Variants in DAAM2 observed in about 807,000 individuals in gnomAD.
DAAM2 encodes disheveled-associated activator of morphogenesis 2.
DAAM2 carries 39 observed loss-of-function variants against 120.7 expected under a neutral mutation model. The observed-to-expected ratio is 0.32, with a 90% confidence interval of 0.25 to 0.42. The LOEUF (loss-of-function observed/expected upper bound fraction) is 0.42. Ranked by LOEUF, DAAM2 falls within the 10% of genes least tolerant of loss-of-function variation. The pLI is 1.00. For synonymous variants in DAAM2, 488 were observed against 524.9 expected, an observed-to-expected ratio of 0.93 and a Z score of 0.96; for missense variants, 1,283 against 1,401.7, an observed-to-expected ratio of 0.92 and a Z score of 1.35.
Position 39,879,426 on chromosome 6 carries a change from C to A in DAAM2, c.1794C>A (p.Val598=). The change falls in exon 14 of 25, where the codon GTC becomes GTA. Residue 598 remains valine, a synonymous_variant. Coordinates refer to ENST00000274867, the MANE Select transcript of DAAM2 (RefSeq NM_001201427.2). ...SSDVPLRKKR[V]PQPSHPLKSF... ...ACGTCCCACTCAGGAAAAAGCGTGT[C>A]CCCCAGCCTTCTCACCCACTGAAGT... is the stretch of plus-strand genomic sequence containing the variant. The A allele has an allele frequency of 1.2e-6, 2 of 1,613,922 alleles. No homozygotes were observed. The highest frequency in any genetic ancestry group is 1.7e-6 in the Non-Finnish European group (2 of 1,179,862).
At chr6:39,845,013 C>T (rs559907634) in intron 1 of DAAM2, among the ~76,000 whole-genome samples, 1 of 146,868 alleles carries the variant, frequency 6.8e-6, no homozygotes, top group East Asian at 2.1e-4. Flanking sequence ...CACATACACA[C>T]CCCCCCACAC....
At chr6:39,897,029 C>A in intron 20 of DAAM2, 49 bp downstream of exon 20, 11 of 1,572,186 alleles carry the variant, frequency 7.0e-6, no homozygotes, top group Non-Finnish European at 9.5e-6. Context: ...TCTCACCCTA[C>A]CCTGGCCTCT....
chr6:39,885,602 TAAGACTGA>T (rs1765341246), intron 15 of DAAM2: 1 of 152,328 alleles, frequency 6.6e-6, no homozygotes. Context: ...TGAGAAGAGT[TAAGACTGA>T]AAGACCCCCT....
intron 9 of DAAM2, 109 bp downstream of exon 9, chr6:39,871,681 TC>T: frequency 1.0e-6 from 1 of 979,384 alleles, no homozygotes; most frequent in Non-Finnish European, 1.5e-6. Context: ...GTGGGCTGGT[TC>T]CCTGGTGGGC....
intron 11 of DAAM2, among the ~76,000 whole-genome samples, chr6:39,877,866 A>G (rs1220376652): frequency 1.3e-5 from 2 of 152,206 alleles, no homozygotes; most frequent in Non-Finnish European, 2.9e-5. Flanking sequence ...TCATGATATA[A>G]TTCTTGGGAG....
chr6:39,878,256 G>A lies in DAAM2; in HGVS notation c.1355G>A (p.Arg452Gln), dbSNP rs377282686. The change falls in exon 12 of 25, where the codon CGG (arginine) becomes CAG (glutamine). Residue 452 changes from arginine to glutamine, a missense_variant. Arg to Gln is a conservative substitution (Grantham distance 43). Around this residue, in one of 3 missense-constraint regions of DAAM2, gnomAD observed 338 missense variants for 443.9 expected, o/e 0.76. Coordinates refer to ENST00000274867, the MANE Select transcript of DAAM2 (RefSeq NM_001201427.2). The surrounding 1 kb of genome is among the most constrained non-coding windows in gnomAD (Gnocchi z 5.0). ...TGGCGAGACCAGGCAGAGAAGTTCC[G>A]GAAAGGTGAGGGGCTCTGCTTAAGC... ...KQWRDQAEKF[R>Q]KEHMELVSRL... 3.8e-5 allele frequency: 61 copies of A among 1,613,864 alleles called. No individual in the cohort carries two copies. Among genetic ancestry groups the A allele is most frequent in the African/African-American group, 6.7e-5 (5 of 74,920 alleles).
intron 19 of DAAM2, among the ~76,000 whole-genome samples, chr6:39,893,017 C>G (rs1025988162): frequency 6.6e-6 from 1 of 152,354 alleles, no homozygotes; most frequent in African/African-American, 2.4e-5. Context: ...TTCTTCACAA[C>G]TTTCTTTCAT....
At position 39,870,362 on chromosome 6, in the gene DAAM2, A is replaced by G. The variant is rs1234475691; in HGVS notation, c.896A>G (p.His299Arg). The change falls in exon 8 of 25, where the codon CAT becomes CGT. Residue 299 changes from histidine to arginine, a missense_variant. By Grantham distance (29) the His-to-Arg change is conservative. This residue lies in a region of DAAM2 where 338 missense variants were observed against 443.9 expected (regional missense o/e 0.76). Coordinates refer to ENST00000274867, the MANE Select transcript of DAAM2 (RefSeq NM_001201427.2). The stretch of plus-strand genomic sequence containing the variant: ...CAGGATAATCTGGAGTTCCGCCTAC[A>G]TCTACGGTATGAATTCCTGATGCTG... ...AGEDNLEFRL[H>R]LRYEFLMLGI... The G allele has an allele frequency of 2.5e-6, 4 of 1,579,566 alleles. No homozygotes were observed. The highest frequency in any genetic ancestry group is 3.4e-6 in the Non-Finnish European group (4 of 1,161,242).
intron 19 of DAAM2, among the ~76,000 whole-genome samples, chr6:39,893,379 A>T (rs964594315): frequency 6.6e-6 from 1 of 152,130 alleles, no homozygotes; most frequent in African/African-American, 2.4e-5. Context: ...TTAGCCGGGC[A>T]TGGAGGTGGG....
intron 3 of DAAM2, chr6:39,861,894 G>A (rs1562033877): frequency 6.6e-6 from 1 of 152,590 alleles, no homozygotes. Context: ...AGGAAGGTCT[G>A]GGCGGAGTCT....
rs752994496 is a variant in DAAM2, at chr6:39,896,918, C to A, written c.2448C>A (p.Gly816=). ...TCATGAACAAAGGGCAGCGTGGGGG[C>A]GCCTACGGGTTCCGGGTGGCCAGCC... ...GNFMNKGQRG[G]AYGFRVASLN... is the part of the protein sequence containing the mutation. Residue 816 remains glycine (G), a synonymous_variant, in exon 20 of 25, where the codon GGC becomes GGA. Coordinates refer to ENST00000274867, the MANE Select transcript of DAAM2 (RefSeq NM_001201427.2). The A allele has an allele frequency of 2.2e-5, 36 of 1,613,546 alleles. No homozygotes were observed. In the South Asian group the frequency reaches 3.3e-4, roughly 15 times the overall value.
rs1250689529 is a variant in DAAM2, at chr6:39,871,565, T to G, written c.1037T>G (p.Phe346Cys). ...NEDDLELARRFDMVHIDTKSA... is the reference protein window; with the variant it reads ...NEDDLELARRCDMVHIDTKSA... ...GATGACCTGGAGCTAGCCAGGAGGT[T>G]TGACATGGTGAGGAGCCAGCAGGGT... Residue 346 changes from phenylalanine (F) to cysteine (C), a missense_variant, in exon 9 of 25, where the codon TTT becomes TGT. Physicochemically the swap from Phe to Cys is radical, Grantham distance 205. Around this residue, in one of 3 missense-constraint regions of DAAM2, gnomAD observed 338 missense variants for 443.9 expected, o/e 0.76. Coordinates refer to ENST00000274867, the MANE Select transcript of DAAM2 (RefSeq NM_001201427.2). 6.4e-7 allele frequency: 1 copy of G among 1,550,492 alleles called. No homozygotes were observed. The highest frequency in any genetic ancestry group is 2.4e-5 in the East Asian group (1 of 40,902).
At chr6:39,812,501 C>T (rs1372755754) in intron 1 of DAAM2, among the ~76,000 whole-genome samples, 1 of 152,122 alleles carries the variant, frequency 6.6e-6, no homozygotes, top group African/African-American at 2.4e-5. Flanking sequence ...CCAATCATTT[C>T]ACTTCATGAT....
chr6:39,885,202 G>A (rs992024201), intron 15 of DAAM2: 1 of 152,264 alleles, frequency 6.6e-6, no homozygotes, highest in Non-Finnish European at 1.5e-5. Flanking sequence ...GCCGCTCCTA[G>A]GGCTCTGGCC....
At position 39,896,848 on chromosome 6, in the gene DAAM2, A is replaced by G; in HGVS notation, c.2378A>G (p.Lys793Arg). The G allele has an allele frequency of 6.2e-7, 1 of 1,607,508 alleles. No individual in the cohort carries two copies. Among genetic ancestry groups the G allele is most frequent in the Non-Finnish European group, 8.5e-7 (1 of 1,176,376 alleles). ...GCCTCCCGGGAGCTGGTCCGCAGCA[A>G]GCGTCTTAGACAGATGCTAGAGGTC... The part of the protein sequence containing the change: ...LLASRELVRS[K>R]RLRQMLEVIL... The change falls in exon 20 of 25, where the codon AAG (lysine) becomes AGG (arginine). Residue 793 changes from lysine (K) to arginine (R), a missense_variant. Lys to Arg is a conservative substitution (Grantham distance 26). Coordinates refer to ENST00000274867, the MANE Select transcript of DAAM2 (RefSeq NM_001201427.2).
chr6:39,889,951 G>A (rs538411730), intron 17 of DAAM2, among the ~76,000 whole-genome samples: 5 of 152,108 alleles, frequency 3.3e-5, no homozygotes, highest in African/African-American at 1.2e-4. Context: ...AGTATGGTGA[G>A]ACCCCATCTT....
chr6:39,877,987 A>AAGGTCTTTTCTCTC (rs1764939443), intron 11 of DAAM2, among the ~76,000 whole-genome samples: 1 of 152,152 alleles, frequency 6.6e-6, no homozygotes, highest in Non-Finnish European at 1.5e-5. Flanking sequence ...AGGGTATCTA[A>AAGGTCTTTTCTCTC]AGGTCTTTTC....
intron 1 of DAAM2, among the ~76,000 whole-genome samples, chr6:39,839,577 T>C (rs1381750206): frequency 6.6e-6 from 1 of 152,198 alleles, no homozygotes; most frequent in Admixed American, 6.5e-5. Flanking sequence ...AGGGTGCAGA[T>C]GGAGTCCAGA....
At chr6:39,868,998 G>GT in intron 7 of DAAM2, 65 bp downstream of exon 7, 1 of 1,171,596 alleles carries the variant, frequency 8.5e-7, no homozygotes, top group Non-Finnish European at 1.2e-6. Flanking sequence ...GAGTGTGTGA[G>GT]TGTGTTGCTT....
Sources: allele counts gnomAD v4.1 joint callset (sites outside exome capture counted in the v4.1 genomes callset), GRCh38; gene constraint gnomAD v4.1.1; regional missense constraint gnomAD v4.1.1; non-coding constraint Gnocchi (gnomAD v3.1); transcripts MANE v1.5; gene names NCBI Gene and HGNC (gene_info 2026-07-23, HGNC 2026-07-21).